Variants in ME3 observed in about 807,000 individuals in gnomAD.
The protein encoded by ME3 is NADP-dependent malic enzyme, mitochondrial.
Under a neutral mutation model 68.9 loss-of-function variants are expected in ME3, and 48 were observed. The observed-to-expected ratio is 0.70, with a 90% CI of 0.55 to 0.89. The LOEUF (loss-of-function observed/expected upper bound fraction) is 0.89, where lower values mean the gene tolerates loss of function less well. Ranked by LOEUF, ME3 falls within the 40% of genes least tolerant of loss-of-function variation. The probability of loss-of-function intolerance (pLI) is 0.00; values close to 1 mark genes in which losing one functional copy is unlikely to be tolerated. For synonymous variants in ME3, 320 were observed against 318.8 expected (o/e 1.00, Z -0.04); for missense variants, 675 against 797.4 (o/e 0.85, Z 1.85).
chr11:86,455,152 TC>T (rs1212603018), intron 8 of ME3, among the ~76,000 whole-genome samples: 1 of 152,180 alleles, frequency 6.6e-6, no homozygotes, highest in African/African-American at 2.4e-5. Flanking sequence ...CTAACATCCT[TC>T]CCATGGTCTG....
chr11:86,590,275 T>C (rs1009121534), intron 2 of ME3, among the ~76,000 whole-genome samples: 1 of 152,228 alleles, frequency 6.6e-6, no homozygotes, highest in Admixed American at 6.5e-5. Flanking sequence ...TGGGGCTAAC[T>C]GTGGCACTGA....
chr11:86,479,521 A>G (rs1229054729), intron 7 of ME3, among the ~76,000 whole-genome samples: 3 of 152,130 alleles, frequency 2.0e-5, no homozygotes, highest in Non-Finnish European at 4.4e-5. Context: ...TCTTGTAGAT[A>G]CTCATTGCCT....
At chr11:86,451,168 T>C (rs1949614115) in intron 8 of ME3, among the ~76,000 whole-genome samples, 3 of 152,224 alleles carry the variant, frequency 2.0e-5, no homozygotes, top group African/African-American at 7.2e-5. Context: ...TTGTATACTT[T>C]GGTCCAGGGG....
intron 4 of ME3, among the ~76,000 whole-genome samples, chr11:86,520,969 C>G (rs1954230404): frequency 6.6e-6 from 1 of 152,136 alleles, no homozygotes; most frequent in African/African-American, 2.4e-5. Context: ...TCTAATCTAC[C>G]AAGGCACGCA....
At chr11:86,609,875 CA>C (rs1942434793) in intron 2 of ME3, among the ~76,000 whole-genome samples, 1 of 152,100 alleles carries the variant, frequency 6.6e-6, no homozygotes, top group Non-Finnish European at 1.5e-5. Context: ...ACACAGTAAG[CA>C]AAATTATATA....
intron 2 of ME3, among the ~76,000 whole-genome samples, chr11:86,640,419 CAT>C (rs1207931859): frequency 2.6e-5 from 4 of 152,214 alleles, no homozygotes; most frequent in African/African-American, 9.6e-5. Flanking sequence ...GGGTGACTAT[CAT>C]GGTCTGTAAA....
chr11:86,577,169 C>A (rs1958163299), intron 2 of ME3, among the ~76,000 whole-genome samples: 1 of 152,108 alleles, frequency 6.6e-6, no homozygotes, highest in Non-Finnish European at 1.5e-5. Flanking sequence ...GACCCAATAT[C>A]ATTTAGAGAA....
chr11:86,561,092 C>T (rs552518134), intron 2 of ME3, among the ~76,000 whole-genome samples: 86 of 152,152 alleles, frequency 5.7e-4, no homozygotes, highest in African/African-American at 2.0e-3. Flanking sequence ...AAAAGTCATG[C>T]TTGTCAGGTT....
chr11:86,540,965 A>G (rs1956007839), intron 4 of ME3, among the ~76,000 whole-genome samples: 1 of 152,176 alleles, frequency 6.6e-6, no homozygotes, highest in South Asian at 2.1e-4. Flanking sequence ...GATTGGTTAG[A>G]CAGTGGGTGC....
At chr11:86,634,020 C>G (rs999709955) in intron 2 of ME3, among the ~76,000 whole-genome samples, 2 of 152,150 alleles carry the variant, frequency 1.3e-5, no homozygotes, top group Non-Finnish European at 2.9e-5. Flanking sequence ...TCTCCCTTAA[C>G]CTTGATATGT....
chr11:86,650,284 T>C (rs1945313846), intron 2 of ME3, among the ~76,000 whole-genome samples: 1 of 152,188 alleles, frequency 6.6e-6, no homozygotes, highest in African/African-American at 2.4e-5. Context: ...GACCCCTTCC[T>C]TATACCTTAT....
At chr11:86,527,751 A>G (rs1219516220) in intron 4 of ME3, among the ~76,000 whole-genome samples, 1 of 152,358 alleles carries the variant, frequency 6.6e-6, no homozygotes, top group Admixed American at 6.5e-5. Context: ...ATATCCAGCC[A>G]AACTAGCTTC....
chr11:86,552,206 CAT>C (rs1204184347), intron 4 of ME3, among the ~76,000 whole-genome samples: 3 of 151,914 alleles, frequency 2.0e-5, no homozygotes, highest in African/African-American at 7.3e-5. Context: ...CCATTTCACA[CAT>C]GAGGAGGCTG....
intron 4 of ME3, among the ~76,000 whole-genome samples, chr11:86,514,870 G>A (rs1032527813): frequency 6.6e-6 from 1 of 152,246 alleles, no homozygotes. Context: ...GGTTAAAAGT[G>A]TGGGCTCGGG....
At chr11:86,590,063 GGAAGA>G (rs1958971243) in intron 2 of ME3, among the ~76,000 whole-genome samples, 1 of 152,124 alleles carries the variant, frequency 6.6e-6, no homozygotes, top group Non-Finnish European at 1.5e-5. Flanking sequence ...CCCAAACCAG[GGAAGA>G]GACTTGGCCC....
In ME3 at chr11:86,564,789, A is replaced by T. The variant is rs143223236; in HGVS notation, c.184-4966T>A. On this transcript the variant is annotated intron_variant, in intron 2 of 14. Transcript: ENST00000543262. ...TCTTTCTGATCTTGGATTTAGCAAT[A>T]GATTCTTAGCTATGACACCAAAAGG... Among the ~76,000 whole-genome samples, 306 of 152,314 alleles carry T rather than the reference A, an allele frequency of 2.0e-3. 1 individual carries two copies. The highest frequency in any genetic ancestry group is 6.4e-3 in the African/African-American group (265 of 41,572).
At chr11:86,483,345 A>G (rs1218630018) in intron 7 of ME3, among the ~76,000 whole-genome samples, 2 of 152,170 alleles carry the variant, frequency 1.3e-5, no homozygotes, top group African/African-American at 2.4e-5. Flanking sequence ...GGCTCACATC[A>G]AGTGTGGAAG....
chr11:86,598,552 C>T (rs979275988), intron 2 of ME3, among the ~76,000 whole-genome samples: 1 of 152,216 alleles, frequency 6.6e-6, no homozygotes, highest in African/African-American at 2.4e-5. Flanking sequence ...CAGCAGTAAC[C>T]TCTGCAGACT....
intron 2 of ME3, among the ~76,000 whole-genome samples, chr11:86,616,367 A>G (rs1942958042): frequency 6.6e-6 from 1 of 152,242 alleles, no homozygotes; most frequent in Admixed American, 6.5e-5. Context: ...ACATCACTTT[A>G]TTAGGAAATT....
Sources: allele counts gnomAD v4.1 joint callset (sites outside exome capture counted in the v4.1 genomes callset), GRCh38; gene constraint gnomAD v4.1.1; transcripts MANE v1.5; gene names NCBI Gene and HGNC (gene_info 2026-07-23, HGNC 2026-07-21).